The following MED21 variants were observed in gnomAD, a reference collection of about 807,000 sequenced individuals.
MED21 encodes the protein mediator of RNA polymerase II transcription subunit 21.
Under a neutral mutation model 18.2 loss-of-function variants are expected in MED21, and 9 were observed. The ratio of observed to expected loss-of-function variants is 0.49; its 90% confidence interval spans 0.30 to 0.86. The LOEUF (loss-of-function observed/expected upper bound fraction) is 0.86. Among genes scored for constraint, MED21 ranks in the 40% least tolerant of loss-of-function variants. The pLI, the probability that MED21 is intolerant of heterozygous loss-of-function variation, is 0.07. For missense variants in MED21, 150 were observed against 170.9 expected (o/e 0.88, Z 0.68); for synonymous variants, 73 against 60.5 (o/e 1.21, Z -0.96).
chr12:27,031,791 T>C (rs1380375727), downstream of MED21, among the ~76,000 whole-genome samples: 1 of 151,812 alleles, frequency 6.6e-6, no homozygotes, highest in African/African-American at 2.4e-5. Context: ...GTTAGGGAAG[T>C]GAAAGAATGA....
At chr12:27,027,469 A>T (rs1457335518) in intron 3 of MED21, 22 bp downstream of exon 3, 1 of 1,553,494 alleles carries the variant, frequency 6.4e-7, no homozygotes, top group South Asian at 1.1e-5. Flanking sequence ...TTCCTTTGAG[A>T]ATTTTACCAG....
At chr12:27,037,552 A>G (rs534253259) in intron 2 of MED21, 13 of 152,358 alleles carry the variant, frequency 8.5e-5, no homozygotes, top group Admixed American at 3.9e-4. Context: ...GTTTTTGCCC[A>G]TTCAGTAAAC....
rs1319605838 is a variant in MED21 at position 27,030,230 on chromosome 12, G to C, written c.*1769G>C. The C allele has an allele frequency of 1.6e-6, 1 of 634,216 alleles. No homozygotes were observed. The highest frequency in any genetic ancestry group is 2.9e-6 in the Non-Finnish European group (1 of 344,036). The allele number at this position is 634,216 out of a possible 1,614,324, so 39.3% of individuals were successfully genotyped here. On this transcript the variant is annotated 3_prime_UTR_variant, in exon 4 of 4. Coordinates refer to ENST00000282892, the MANE Select transcript of MED21 (RefSeq NM_004264.5). ...TCACTGCAGCTTCACCCTGGGTTCA[G>C]GTGATCCTCCCACTTCAGCCTCTTC... is the stretch of plus-strand genomic sequence containing the variant.
At chr12:27,024,472 C>G (rs926438423) in intron 1 of MED21, among the ~76,000 whole-genome samples, 2 of 152,214 alleles carry the variant, frequency 1.3e-5, no homozygotes, top group Admixed American at 1.3e-4. Flanking sequence ...ATAAATTCTA[C>G]CCTGCAGGGA....
In MED21 at chr12:27,030,608, A is replaced by T. The variant is rs1941608649; in HGVS notation, c.*2147A>T. The stretch of plus-strand genomic sequence containing the variant: ...AATTAAATGTCAATGATCTAAGCTG[A>T]TTTAAATCTAAAAACTGGATAAGAA... On this transcript the variant is annotated 3_prime_UTR_variant, in exon 4 of 4. Transcript: ENST00000282892. 6.4e-6 allele frequency: 1 copy of T among 157,226 alleles called. No individual in the cohort carries two copies. The highest frequency in any genetic ancestry group is 2.0e-4 in the South Asian group (1 of 4,882). 9.7% of individuals were successfully genotyped at this position (157,226 alleles called of 1,614,324 possible).
At chr12:27,030,988 A>G (rs767381704), downstream of MED21, among the ~76,000 whole-genome samples, 3 of 152,216 alleles carry the variant, frequency 2.0e-5, no homozygotes, top group South Asian at 6.3e-4. Context: ...GCTCACCGCA[A>G]CCTCAGCTTC....
intron 1 of MED21, chr12:27,022,866 G>A: frequency 7.0e-7 from 1 of 1,427,810 alleles, no homozygotes; most frequent in Non-Finnish European, 9.2e-7. Context: ...GATCGTTCTT[G>A]TCCGGGTGAG....
In MED21 at chr12:27,029,566, ACT is replaced by A. The variant is rs1336056653; in HGVS notation, c.*1108_*1109del. 1.7e-5 allele frequency: 17 copies of A among 985,382 alleles called. No homozygotes were observed. The highest frequency in any genetic ancestry group is 4.7e-5 in the South Asian group (1 of 21,278). The allele number at this position is 985,382 out of a possible 1,614,324, so 61.0% of individuals were successfully genotyped here. ...CAGGAGAAAACAGGAACAATAGAACACTCTGCCTGTTATTTTTGTTGTAATCA... is the reference window on the plus strand; with the variant it reads ...CAGGAGAAAACAGGAACAATAGAACACTGCCTGTTATTTTTGTTGTAATCA... On this transcript the variant is annotated 3_prime_UTR_variant, in exon 4 of 4. Transcript: ENST00000282892.
chr12:27,025,729 T>A (rs1941535592), intron 1 of MED21, among the ~76,000 whole-genome samples: 2 of 152,174 alleles, frequency 1.3e-5, no homozygotes, highest in Admixed American at 1.3e-4. Flanking sequence ...TGGAAATACT[T>A]ATTAGAAATA....
chr12:27,028,496 GTTT>G lies in MED21; in HGVS notation c.*36_*38del. On this transcript the variant is annotated 3_prime_UTR_variant, in exon 4 of 4. Transcript: ENST00000282892. ...ATACCATGTGGCTGAGAAAAGAACTGTTTGAGTGCCATTAAGAATTCTGCATCA... is the reference window on the plus strand; with the variant it reads ...ATACCATGTGGCTGAGAAAAGAACTGGAGTGCCATTAAGAATTCTGCATCA... 1 of 1,582,666 alleles carries G rather than the reference GTTT, an allele frequency of 6.3e-7. No homozygotes were observed. Among genetic ancestry groups the G allele is most frequent in the Non-Finnish European group, 8.6e-7 (1 of 1,160,810 alleles).
chr12:27,027,887 A>T (rs527423731), intron 3 of MED21, among the ~76,000 whole-genome samples: 35 of 152,318 alleles, frequency 2.3e-4, no homozygotes, highest in Admixed American at 2.1e-3. Flanking sequence ...TTAGATTTTA[A>T]TGTATGAATT....
intron 2 of MED21, 119 bp from the exon 3 acceptor site, chr12:27,027,228 A>G: frequency 1.6e-6 from 1 of 626,944 alleles, no homozygotes; most frequent in South Asian, 1.8e-5. Context: ...CGCCTGGCCG[A>G]ATCATTAGAA....
chr12:27,030,307 C>CT lies in MED21; in HGVS notation c.*1856dup, dbSNP rs1229520541. The CT allele has an allele frequency of 0.022, 8,434 of 376,194 alleles. No homozygotes were observed. The highest frequency in any genetic ancestry group is 0.036 in the South Asian group (759 of 20,836). 23.3% of individuals were successfully genotyped at this position (376,194 alleles called of 1,614,324 possible). On this transcript the variant is annotated 3_prime_UTR_variant, in exon 4 of 4. Coordinates refer to ENST00000282892, the MANE Select transcript of MED21 (RefSeq NM_004264.5). ...ACCACGTCCAGCTAATTTTTTTTTTCTTTTTTTTTTAGAGATGGGGTCTCA... is the reference window on the plus strand; with the variant it reads ...ACCACGTCCAGCTAATTTTTTTTTTCTTTTTTTTTTTAGAGATGGGGTCTCA...
At position 27,037,252 on chromosome 12, in the gene MED21, G is replaced by A. The variant is rs557956136; in HGVS notation, n.147-8902G>A. ...TTTGGCTCTCTGTTTGTCTGTTATCGGTGTATAAGAATGCTTGTGATTTTT... is the reference window on the plus strand; with the variant it reads ...TTTGGCTCTCTGTTTGTCTGTTATCAGTGTATAAGAATGCTTGTGATTTTT... On this transcript the variant is annotated intron_variant and non_coding_transcript_variant, in intron 2 of 4. Coordinates refer to the MED21 transcript ENST00000538186. 4.0e-5 allele frequency: 6 copies of A among 151,536 alleles called. No homozygotes were observed. The South Asian group carries it at 8.3e-4, about 21-fold the overall frequency. 9.4% of individuals were successfully genotyped at this position (151,536 alleles called of 1,614,324 possible).
At chr12:27,032,008 T>C (rs957713960), downstream of MED21, among the ~76,000 whole-genome samples, 1 of 152,204 alleles carries the variant, frequency 6.6e-6, no homozygotes, top group African/African-American at 2.4e-5. Context: ...TACTGCCTGG[T>C]ACCCAGCTTT....
downstream of MED21, among the ~76,000 whole-genome samples, chr12:27,031,126 C>T (rs779572807): frequency 7.2e-5 from 11 of 152,242 alleles, no homozygotes; most frequent in Middle Eastern, 3.4e-3. Context: ...AGGCTGGTCT[C>T]GAACTCCCAA....
rs1007596864 is a variant in MED21 at position 27,030,454 on chromosome 12, A to G, written c.*1993A>G. On this transcript the variant is annotated 3_prime_UTR_variant, in exon 4 of 4. Transcript: ENST00000282892. ...GACACAGATTTTTCCCTAAAAAACT[A>G]CAGATTATTTTCAAAAGCATTAATA... The G allele has an allele frequency of 5.5e-6, 2 of 366,044 alleles. No homozygotes were observed. The highest frequency in any genetic ancestry group is 9.7e-6 in the Non-Finnish European group (2 of 207,186). The allele number at this position is 366,044 out of a possible 1,614,324, so 22.7% of individuals were successfully genotyped here. A position where few individuals can be genotyped will look rare whatever the true frequency, so the allele number is the denominator to read the frequency against.
chr12:27,022,696 G>A (rs1422386858), intron 1 of MED21, 75 bp downstream of exon 1: 1 of 1,611,464 alleles, frequency 6.2e-7, no homozygotes, highest in East Asian at 2.2e-5. Context: ...GGGCCCAAGA[G>A]GCAAAACTTG....
chr12:27,026,371 T>G (rs1263525858), intron 1 of MED21, 49 bp from the exon 2 acceptor site: 1 of 1,259,914 alleles, frequency 7.9e-7, no homozygotes, highest in Admixed American at 1.9e-5. Flanking sequence ...ATAAAGTCCT[T>G]AAAACTGATA....
Sources: allele counts gnomAD v4.1 joint callset (sites outside exome capture counted in the v4.1 genomes callset), GRCh38; gene constraint gnomAD v4.1.1; transcripts MANE v1.5; gene names NCBI Gene and HGNC (gene_info 2026-07-23, HGNC 2026-07-21).